The following SNTG1 variants were observed in gnomAD, a reference collection of about 807,000 sequenced individuals.
SNTG1 encodes the protein gamma-1-syntrophin.
Under a neutral mutation model 74.7 loss-of-function variants are expected in SNTG1, and 39 were observed. The observed-to-expected ratio is 0.52, with a 90% CI of 0.40 to 0.68. The LOEUF (loss-of-function observed/expected upper bound fraction) is 0.68, where lower values mean the gene tolerates loss of function less well. SNTG1 is among the 30% of genes least tolerant of loss of function. The pLI, the probability that SNTG1 is intolerant of heterozygous loss-of-function variation, is 0.00. For synonymous variants in SNTG1, 254 were observed against 217.1 expected (o/e 1.17, Z -1.49); for missense variants, 685 against 609.5 (o/e 1.12, Z -1.30).
At chr8:50,119,077 G>A (rs2080916324) in intron 1 of SNTG1, among the ~76,000 whole-genome samples, 1 of 141,130 alleles carries the variant, frequency 7.1e-6, no homozygotes, top group African/African-American at 2.6e-5. Context: ...CTACATGGAA[G>A]CAAAACAAAC....
chr8:50,554,347 T>C (rs2094443618), intron 12 of SNTG1, among the ~76,000 whole-genome samples: 1 of 152,164 alleles, frequency 6.6e-6, no homozygotes, highest in African/African-American at 2.4e-5. Flanking sequence ...GGCTGTGCAA[T>C]TTACCCCTCA....
intron 1 of SNTG1, chr8:50,164,485 CAAAAGATATTTA>C (rs1270629703): frequency 6.6e-6 from 1 of 152,092 alleles, no homozygotes. Context: ...TCTGCAAAAT[CAAAAGATATTTA>C]AAATTAGATA....
intron 13 of SNTG1, among the ~76,000 whole-genome samples, chr8:50,615,952 T>C (rs2094882888): frequency 6.6e-6 from 1 of 152,194 alleles, no homozygotes. Context: ...TGAGCAAGTG[T>C]GAAACCTGTA....
At chr8:50,790,986 T>A (rs1335914574) in intron 18 of SNTG1, among the ~76,000 whole-genome samples, 1 of 151,994 alleles carries the variant, frequency 6.6e-6, no homozygotes, top group Middle Eastern at 3.2e-3. Context: ...TTCTCCTCCT[T>A]ACCAAGAATG....
At chr8:50,585,204 G>A (rs1394744025) in intron 12 of SNTG1, among the ~76,000 whole-genome samples, 3 of 151,624 alleles carry the variant, frequency 2.0e-5, no homozygotes, top group East Asian at 1.9e-4. Context: ...AAGGCTTAAC[G>A]TGGCCTTCAT....
intron 1 of SNTG1, among the ~76,000 whole-genome samples, chr8:50,060,626 TCTCTCC>T (rs1361329699): frequency 6.6e-6 from 1 of 152,040 alleles, no homozygotes; most frequent in Non-Finnish European, 1.5e-5. Flanking sequence ...ACAGCAGACA[TCTCTCC>T]CTGCCTCTGA....
intron 4 of SNTG1, among the ~76,000 whole-genome samples, chr8:50,403,453 T>C (rs549551453): frequency 6.6e-6 from 1 of 152,294 alleles, no homozygotes; most frequent in South Asian, 2.1e-4. Context: ...TCCCATGGGG[T>C]TGTCCTTTCT....
At position 50,443,003 on chromosome 8, in the gene SNTG1, C is replaced by A. The variant is rs541659285; in HGVS notation, c.219+4404C>A. On this transcript the variant is annotated intron_variant, in intron 5 of 18. Coordinates refer to ENST00000642720, the MANE Select transcript of SNTG1 (RefSeq NM_018967.5). ...TCTCCTTCCCCTCTCAAGTGCCCAT[C>A]CTCTGGGCTGGACCATGCAGAGACT... Among the ~76,000 whole-genome samples the A allele has an allele frequency of 3.0e-3, 457 of 152,302 alleles. 3 individuals carry two copies. Among genetic ancestry groups the A allele is most frequent in the Non-Finnish European group, 5.6e-3 (384 of 68,032 alleles).
At chr8:50,657,129 A>AAT in intron 14 of SNTG1, 104 bp downstream of exon 14, 1 of 528,256 alleles carries the variant, frequency 1.9e-6, no homozygotes, top group Non-Finnish European at 3.2e-6. Context: ...TTTAAAAAAT[A>AAT]ATATAGAGAA....
At chr8:50,408,567 C>A (rs1385608802) in intron 4 of SNTG1, among the ~76,000 whole-genome samples, 1 of 152,072 alleles carries the variant, frequency 6.6e-6, no homozygotes. Context: ...GTGCCATCAG[C>A]CCCAACATTA....
intron 8 of SNTG1, among the ~76,000 whole-genome samples, chr8:50,475,911 G>A (rs1334570822): frequency 2.0e-5 from 3 of 152,130 alleles, no homozygotes; most frequent in Non-Finnish European, 4.4e-5. Flanking sequence ...GGTCAACGAT[G>A]GTACAAAAAC....
rs768759493 is a variant in SNTG1 at position 50,683,627 on chromosome 8, TAGG to T, written c.1039-20970_1039-20968del. Among the ~76,000 whole-genome samples, 136 of 152,276 alleles carry T rather than the reference TAGG, an allele frequency of 8.9e-4. 1 individual carries two copies. The highest frequency in any genetic ancestry group is 1.2e-3 in the Non-Finnish European group (85 of 68,006). On this transcript the variant is annotated intron_variant, in intron 15 of 18. Coordinates refer to ENST00000642720, the MANE Select transcript of SNTG1 (RefSeq NM_018967.5). Reference sequence around the variant, plus strand: ...AATACAGTATACTAGGGTATATAAATAGGAGAGCAATTTCAAGTGACACAAGTA... The same window carrying T: ...AATACAGTATACTAGGGTATATAAATAGAGCAATTTCAAGTGACACAAGTA...
At chr8:50,021,771 A>G (rs1816837455) in intron 1 of SNTG1, among the ~76,000 whole-genome samples, 1 of 151,646 alleles carries the variant, frequency 6.6e-6, no homozygotes, top group Non-Finnish European at 1.5e-5. Flanking sequence ...CCCCATCTCT[A>G]CAGAAAATAT....
intron 12 of SNTG1, 42 bp from the exon 13 acceptor site, chr8:50,590,837 T>C: frequency 7.5e-7 from 1 of 1,327,898 alleles, no homozygotes; most frequent in Non-Finnish European, 1.0e-6. Context: ...TGTGTTACCA[T>C]CTATTGTTCT....
intron 1 of SNTG1, among the ~76,000 whole-genome samples, chr8:50,068,948 G>A (rs1821122398): frequency 6.6e-6 from 1 of 152,086 alleles, no homozygotes; most frequent in African/African-American, 2.4e-5. Context: ...TATCATGTCT[G>A]ATCTCTTCAT....
chr8:50,128,008 C>A (rs1232592233), intron 1 of SNTG1, among the ~76,000 whole-genome samples: 3 of 152,050 alleles, frequency 2.0e-5, no homozygotes, highest in Admixed American at 6.6e-5. Flanking sequence ...GGGAGAGAGT[C>A]TAAAAAATGT....
At chr8:50,569,689 G>T (rs1189664677) in intron 12 of SNTG1, among the ~76,000 whole-genome samples, 1 of 152,216 alleles carries the variant, frequency 6.6e-6, no homozygotes, top group Non-Finnish European at 1.5e-5. Context: ...TAGAGGTTGT[G>T]GAGTGTGGTG....
chr8:50,774,801 A>T (rs1016129078), intron 18 of SNTG1, among the ~76,000 whole-genome samples: 1 of 151,634 alleles, frequency 6.6e-6, no homozygotes, highest in Non-Finnish European at 1.5e-5. Context: ...GTATGACAAT[A>T]ATAACCCAAA....
At chr8:50,586,699 C>T (rs954345822) in intron 12 of SNTG1, among the ~76,000 whole-genome samples, 11 of 151,472 alleles carry the variant, frequency 7.3e-5, no homozygotes, top group Non-Finnish European at 1.6e-4. Context: ...ACTGAGGATC[C>T]TTATAAGCCT....
Sources: gnomAD v4.1 joint callset for allele counts (sites outside exome capture counted in the v4.1 genomes callset) on GRCh38, gnomAD v4.1.1 for gene constraint, MANE v1.5 for transcripts, NCBI Gene and HGNC (gene_info 2026-07-23, HGNC 2026-07-21) for gene names.